CELF4: variants seen among roughly 807,000 people sequenced by gnomAD.
CELF4 encodes CUGBP Elav-like family member 4.
Under a neutral mutation model 59.9 loss-of-function variants are expected in CELF4, and 18 were observed. The observed-to-expected ratio is 0.30, with a 90% CI of 0.21 to 0.45. The LOEUF is 0.45. Among genes scored for constraint, CELF4 ranks in the 20% least tolerant of loss-of-function variants. CELF4 has a pLI of 1.00. For missense variants in CELF4, 456 were observed against 689.0 expected (o/e 0.66, Z 3.79); for synonymous variants, 261 against 267.1 (o/e 0.98, Z 0.22).
chr18:37,539,840 G>A lies in CELF4; in HGVS notation c.286+25516C>T, dbSNP rs78485877. Among the ~76,000 whole-genome samples the A allele has an allele frequency of 8.7e-3, 1,332 of 152,278 alleles. 21 individuals are homozygous for A. Among genetic ancestry groups the A allele is most frequent in the African/African-American group, 0.03 (1,257 of 41,530 alleles). On this transcript the variant is annotated intron_variant, in intron 1 of 12. Coordinates refer to ENST00000420428, the MANE Select transcript of CELF4 (RefSeq NM_020180.4). ...ATGTAAATGTAAATAGCCACACACC[G>A]CTGTTAGCTACCAAATTGGTCATGC...
At chr18:37,463,921 C>A (rs1466493309) in intron 2 of CELF4, among the ~76,000 whole-genome samples, 2 of 152,080 alleles carry the variant, frequency 1.3e-5, no homozygotes, top group Non-Finnish European at 2.9e-5. Context: ...GCTAATGAGG[C>A]CTTCCTTGGT....
At chr18:37,364,233 C>T (rs938815393) in intron 2 of CELF4, among the ~76,000 whole-genome samples, 2 of 152,190 alleles carry the variant, frequency 1.3e-5, no homozygotes, top group African/African-American at 4.8e-5. Flanking sequence ...TTCCTGCACC[C>T]GTCTCTCCTC....
chr18:37,350,056 G>T (rs1026567589), intron 2 of CELF4, among the ~76,000 whole-genome samples: 1 of 152,140 alleles, frequency 6.6e-6, no homozygotes, highest in Non-Finnish European at 1.5e-5. Flanking sequence ...GCAGGCTGTG[G>T]CAGTGCAATT....
At chr18:37,409,474 A>G (rs773305346) in intron 2 of CELF4, among the ~76,000 whole-genome samples, 7 of 152,192 alleles carry the variant, frequency 4.6e-5, no homozygotes, top group Non-Finnish European at 1.0e-4. Flanking sequence ...TGCTGTAAGC[A>G]CGCTCTTCAC....
At chr18:37,334,251 G>A (rs1245645686) in intron 2 of CELF4, among the ~76,000 whole-genome samples, 1 of 152,174 alleles carries the variant, frequency 6.6e-6, no homozygotes, top group Non-Finnish European at 1.5e-5. Flanking sequence ...CGCCCCACTG[G>A]GCAACTCAAG....
At chr18:37,322,139 C>T (rs776719848) in intron 2 of CELF4, among the ~76,000 whole-genome samples, 35 of 152,364 alleles carry the variant, frequency 2.3e-4, no homozygotes, top group Non-Finnish European at 3.8e-4. Flanking sequence ...CCTCCTACTC[C>T]GAGCAGCAGC....
intron 2 of CELF4, among the ~76,000 whole-genome samples, chr18:37,427,599 TCTC>T (rs1460877143): frequency 6.6e-6 from 1 of 152,062 alleles, no homozygotes; most frequent in African/African-American, 2.4e-5. Flanking sequence ...CCTGACCTCA[TCTC>T]CTCTTGCATG....
chr18:37,250,589 G>A (rs934577563), intron 12 of CELF4, among the ~76,000 whole-genome samples: 16 of 152,188 alleles, frequency 1.1e-4, no homozygotes, highest in African/African-American at 3.6e-4. Flanking sequence ...AGCACCTGGG[G>A]CTGCAGCTCA....
At chr18:37,462,330 G>A (rs536642476) in intron 2 of CELF4, among the ~76,000 whole-genome samples, 1 of 152,368 alleles carries the variant, frequency 6.6e-6, no homozygotes, top group Non-Finnish European at 1.5e-5. Flanking sequence ...CCTTTAGGCA[G>A]CAAGCTGGGC....
intron 1 of CELF4, among the ~76,000 whole-genome samples, chr18:37,515,815 C>T (rs1033730757): frequency 5.3e-5 from 8 of 152,014 alleles, no homozygotes; most frequent in South Asian, 2.1e-4. Flanking sequence ...GATGGAGCTT[C>T]GCAGAGGGGC....
chr18:37,414,749 G>A (rs1014888014), intron 2 of CELF4, among the ~76,000 whole-genome samples: 16 of 151,572 alleles, frequency 1.1e-4, no homozygotes, highest in Non-Finnish European at 1.9e-4. Context: ...CACCCACCTC[G>A]GCCTCCCAAA....
rs1031697131 is a variant in CELF4, at chr18:37,253,432, T to C, written c.*44+335A>G. On this transcript the variant is annotated intron_variant, in intron 12 of 12. Transcript: ENST00000420428. The surrounding 1 kb of genome is among the most constrained non-coding windows in gnomAD (Gnocchi z 4.5). ...GTTCTGCCCCCAACCTCCCTCAGCC[T>C]GAGCTTGCCACCTGTTCACCCCAGG... 6.6e-6 allele frequency among the ~76,000 whole-genome samples: 1 copy of C among 152,144 alleles called. No homozygotes were observed. The highest frequency in any genetic ancestry group is 6.5e-5 in the Admixed American group (1 of 15,284).
chr18:37,365,441 G>GAA (rs35177154), intron 2 of CELF4, among the ~76,000 whole-genome samples: 50 of 3,856 alleles, frequency 0.013, no homozygotes, highest in Non-Finnish European at 0.019. Context: ...TGAGGCAGAG[G>GAA]AGAGAATTTC....
chr18:37,462,526 CAG>C (rs1042346682), intron 2 of CELF4, among the ~76,000 whole-genome samples: 4 of 152,234 alleles, frequency 2.6e-5, no homozygotes, highest in African/African-American at 9.6e-5. Context: ...TCCTAGCCAC[CAG>C]AGATTGGAGT....
intron 2 of CELF4, among the ~76,000 whole-genome samples, chr18:37,458,605 T>C (rs1424216726): frequency 6.6e-6 from 1 of 152,216 alleles, no homozygotes; most frequent in African/African-American, 2.4e-5. Context: ...GGCTGACATT[T>C]GTAGAGCCTA....
intron 2 of CELF4, among the ~76,000 whole-genome samples, chr18:37,326,498 T>G (rs1488202318): frequency 6.6e-6 from 1 of 152,168 alleles, no homozygotes; most frequent in African/African-American, 2.4e-5. Context: ...TTGCTGATTC[T>G]CTTTCAGAGA....
At chr18:37,372,096 A>T (rs188376637) in intron 2 of CELF4, among the ~76,000 whole-genome samples, 4 of 152,360 alleles carry the variant, frequency 2.6e-5, no homozygotes, top group Non-Finnish European at 5.9e-5. Context: ...ATCTAGAACT[A>T]GAAATACCAT....
chr18:37,303,653 G>A (rs989272006), intron 3 of CELF4, among the ~76,000 whole-genome samples: 1 of 152,152 alleles, frequency 6.6e-6, no homozygotes, highest in Non-Finnish European at 1.5e-5. Context: ...GGTCACTGCT[G>A]GCTCTCCAGG....
chr18:37,563,724 C>T (rs572388663), intron 1 of CELF4, among the ~76,000 whole-genome samples: 1 of 152,258 alleles, frequency 6.6e-6, no homozygotes, highest in South Asian at 2.1e-4. Flanking sequence ...CAGCCCCCAC[C>T]CTCACCCCAC....
Sources: gnomAD v4.1 joint callset for allele counts (sites outside exome capture counted in the v4.1 genomes callset) on GRCh38, gnomAD v4.1.1 for gene constraint, Gnocchi (gnomAD v3.1) non-coding constraint, MANE v1.5 for transcripts, NCBI Gene and HGNC (gene_info 2026-07-23, HGNC 2026-07-21) for gene names.